ZNF850: variants seen among roughly 807,000 people sequenced by gnomAD.
ZNF850 encodes the protein zinc finger protein 850.
Under a neutral mutation model 11.9 loss-of-function variants are expected in ZNF850, and 2 were observed. The observed-to-expected ratio is 0.17, with a 90% CI of 0.07 to 0.53. The LOEUF (loss-of-function observed/expected upper bound fraction) is 0.53. Ranked by LOEUF, ZNF850 falls within the 20% of genes least tolerant of loss-of-function variation. ZNF850 has a pLI of 0.94. For missense variants in ZNF850, 1,014 were observed against 1,316.4 expected, an observed-to-expected ratio of 0.77 and a Z score of 3.55; for synonymous variants, 381 against 443.0, an observed-to-expected ratio of 0.86 and a Z score of 1.76.
At chr19:36,768,613 T>C (rs2040562308) in intron 1 of ZNF850, among the ~76,000 whole-genome samples, 1 of 152,148 alleles carries the variant, frequency 6.6e-6, no homozygotes, top group Non-Finnish European at 1.5e-5. Flanking sequence ...CTATCTAGGG[T>C]TCTACCTTTT....
rs2145957610 is a variant in ZNF850, at chr19:36,751,757, A to G, written c.236-953T>C. 2.7e-5 allele frequency among the ~76,000 whole-genome samples: 4 copies of G among 149,486 alleles called. No individual in the cohort carries two copies. The Middle Eastern group carries it at 0.015, about 546-fold the overall frequency. On this transcript the variant is annotated intron_variant, in intron 4 of 4. Coordinates refer to ENST00000591344, the MANE Select transcript of ZNF850 (RefSeq NM_001193552.2). ...AAATCTGAGTAAAGTAGGGGTTTCCATTAATAATAATAGATCTCAGCACCA... is the reference window on the plus strand; with the variant it reads ...AAATCTGAGTAAAGTAGGGGTTTCCGTTAATAATAATAGATCTCAGCACCA...
In ZNF850 at chr19:36,765,543, C is replaced by T. The variant is rs111649089; in HGVS notation, c.-69-2868G>A. 3.2e-3 allele frequency among the ~76,000 whole-genome samples: 481 copies of T among 151,304 alleles called. 1 individual carries two copies. Among genetic ancestry groups the T allele is most frequent in the African/African-American group, 0.011 (465 of 41,172 alleles). On this transcript the variant is annotated intron_variant, in intron 1 of 4. Transcript: ENST00000591344. ...TCCATTAATAATATCTAGTGGCTGA[C>T]CTGGAAATTCCATTTCTAAGTACTT... is the stretch of plus-strand genomic sequence containing the variant.
rs1420004949 is a variant in ZNF850, at chr19:36,743,977, T to C, written c.*3790A>G. Reference sequence around the variant, plus strand: ...AGTCAGATCACCTGAGGTCTGGAGTTCAAGCCCAGCCTCAACATGGAGAAA... The same window carrying C: ...AGTCAGATCACCTGAGGTCTGGAGTCCAAGCCCAGCCTCAACATGGAGAAA... On this transcript the variant is annotated 3_prime_UTR_variant, in exon 5 of 5. Coordinates refer to ENST00000591344, the MANE Select transcript of ZNF850 (RefSeq NM_001193552.2). 6.6e-6 allele frequency: 1 copy of C among 152,084 alleles called. No individual in the cohort carries two copies. The highest frequency in any genetic ancestry group is 2.4e-5 in the African/African-American group (1 of 41,372). 9.4% of individuals were successfully genotyped at this position (152,084 alleles called of 1,614,324 possible).
Position 36,750,272 on chromosome 19 carries a change from C to G in ZNF850, c.768G>C (p.Gln256His), listed in dbSNP as rs1487812493. ...ACGGTCTAAAGGCCTTCACGGATTC[C>G]TGACACTCATGAGGTCTCTCATCTG... Reference protein sequence around the residue: ...MYTDERPHECQESVKAFRPSA... With the variant: ...MYTDERPHECHESVKAFRPSA... Residue 256 changes from glutamine (Q) to histidine (H), a missense_variant, in exon 5 of 5, where the codon CAG becomes CAC. Gln to His is a conservative substitution (Grantham distance 24). Around this residue, in one of 2 missense-constraint regions of ZNF850, gnomAD observed 835 missense variants for 1,022.0 expected, o/e 0.82. Coordinates refer to ENST00000591344, the MANE Select transcript of ZNF850 (RefSeq NM_001193552.2). 9 of 1,536,966 alleles carry G rather than the reference C, an allele frequency of 5.9e-6. No homozygotes were observed. In the Admixed American group the frequency reaches 1.2e-4, roughly 20 times the overall value.
At chr19:36,763,044 C>T (rs2040528802) in intron 1 of ZNF850, among the ~76,000 whole-genome samples, 1 of 151,966 alleles carries the variant, frequency 6.6e-6, no homozygotes, top group Non-Finnish European at 1.5e-5. Flanking sequence ...GCGTGCACCA[C>T]CATGTCCAGC....
intron 4 of ZNF850, among the ~76,000 whole-genome samples, chr19:36,757,106 G>A (rs916085904): frequency 6.6e-6 from 1 of 152,140 alleles, no homozygotes; most frequent in African/African-American, 2.4e-5. Flanking sequence ...GTCAGAGATG[G>A]TCTGTTCCTA....
At chr19:36,756,604 C>T (rs183480371) in intron 4 of ZNF850, among the ~76,000 whole-genome samples, 24 of 152,092 alleles carry the variant, frequency 1.6e-4, no homozygotes, top group Admixed American at 1.6e-3. Flanking sequence ...TGTGGATATA[C>T]CATAATGTCA....
intron 1 of ZNF850, among the ~76,000 whole-genome samples, chr19:36,766,206 G>A (rs1017328791): frequency 4.6e-5 from 7 of 150,632 alleles, no homozygotes; most frequent in Non-Finnish European, 1.0e-4. Flanking sequence ...AATTTTAAAA[G>A]TATGAAGTTG....
chr19:36,747,676 A>AG lies in ZNF850; in HGVS notation c.*90_*91insC. 1 of 1,241,540 alleles carries AG rather than the reference A, an allele frequency of 8.1e-7. No homozygotes were observed. The highest frequency in any genetic ancestry group is 1.9e-5 in the South Asian group (1 of 51,794). 76.9% of individuals were successfully genotyped at this position (1,241,540 alleles called of 1,614,324 possible). On this transcript the variant is annotated 3_prime_UTR_variant, in exon 5 of 5. Coordinates refer to ENST00000591344, the MANE Select transcript of ZNF850 (RefSeq NM_001193552.2). Reference sequence around the variant, plus strand: ...AGTCGTAATTCTGGAAAAAGTGAATATGAAGTAATACACATCCATTGTATT... The same window carrying AG: ...AGTCGTAATTCTGGAAAAAGTGAATAGTGAAGTAATACACATCCATTGTATT...
chr19:36,753,450 G>A (rs1228989612), intron 4 of ZNF850, among the ~76,000 whole-genome samples: 3 of 35,036 alleles, frequency 8.6e-5, no homozygotes, highest in Non-Finnish European at 2.1e-4. Context: ...AAAAAAAGCC[G>A]GGTGTGGTGG....
In ZNF850 at chr19:36,755,631, C is replaced by A. The variant is rs1373968965; in HGVS notation, c.236-4827G>T. ...ACAAAACCTCTGTGGACGAAATCAA[C>A]CTCAACTCAACGCTCAAAATATTCT... On this transcript the variant is annotated intron_variant, in intron 4 of 4. Transcript: ENST00000591344. Among the ~76,000 whole-genome samples the A allele has an allele frequency of 4.0e-5, 6 of 151,618 alleles. No individual in the cohort carries two copies. In the East Asian group the frequency reaches 1.2e-3, roughly 29 times the overall value.
At position 36,749,178 on chromosome 19, in the gene ZNF850, T is replaced by A. The variant is rs563104349; in HGVS notation, c.1862A>T (p.Glu621Val). The A allele has an allele frequency of 6.2e-7, 1 of 1,605,834 alleles. No homozygotes were observed. Among genetic ancestry groups the A allele is most frequent in the Admixed American group, 1.7e-5 (1 of 58,910 alleles). ...HTGEKPYDCK[E>V]CGKAFRLRLR... ...ACGAAGTCTAAAGGCCTTCCCACAT[T>A]CCTTACAATCATAAGGTTTCTCACC... The change falls in exon 5 of 5, where the codon GAA becomes GTA. Residue 621 changes from glutamate (E) to valine (V), a missense_variant. Physicochemically the swap from Glu to Val is moderately radical, Grantham distance 121. Around this residue, in one of 2 missense-constraint regions of ZNF850, gnomAD observed 835 missense variants for 1,022.0 expected, o/e 0.82. Coordinates refer to ENST00000591344, the MANE Select transcript of ZNF850 (RefSeq NM_001193552.2).
intron 1 of ZNF850, among the ~76,000 whole-genome samples, chr19:36,768,913 G>T (rs921925560): frequency 8.2e-5 from 12 of 146,512 alleles, no homozygotes; most frequent in African/African-American, 3.0e-4. Flanking sequence ...AGTATGCCAT[G>T]ATCCTGCCAC....
At position 36,748,085 on chromosome 19, in the gene ZNF850, T is replaced by C. The variant is rs2040424187; in HGVS notation, c.2955A>G (p.Glu985=). ...HTGDRPYECK[E]CGKSFTCGSE... ...AGCCGCAAGTAAAAGATTTCCCACA[T>C]TCTTTACATTCATAAGGTCTGTCAC... Residue 985 remains glutamate, a synonymous_variant, in exon 5 of 5, where the codon GAA becomes GAG. Coordinates refer to ENST00000591344, the MANE Select transcript of ZNF850 (RefSeq NM_001193552.2). 6.4e-7 allele frequency: 1 copy of C among 1,555,550 alleles called. No homozygotes were observed. Among genetic ancestry groups the C allele is most frequent in the South Asian group, 1.2e-5 (1 of 85,102 alleles).
chr19:36,745,789 G>A lies in ZNF850; in HGVS notation c.*1978C>T, dbSNP rs1166007478. 3 of 152,144 alleles carry A rather than the reference G, an allele frequency of 2.0e-5. No individual in the cohort carries two copies. Among genetic ancestry groups the A allele is most frequent in the Admixed American group, 6.5e-5 (1 of 15,274 alleles). 9.4% of individuals were successfully genotyped at this position (152,144 alleles called of 1,614,324 possible). ...GGGCCATTCTTTATATTCATAAGGTGGGAAGATTGCTTGAAGACAGGAATT... is the reference window on the plus strand; with the variant it reads ...GGGCCATTCTTTATATTCATAAGGTAGGAAGATTGCTTGAAGACAGGAATT... On this transcript the variant is annotated 3_prime_UTR_variant, in exon 5 of 5. Transcript: ENST00000591344.
At chr19:36,772,424 C>A (rs1337100646) in intron 1 of ZNF850, among the ~76,000 whole-genome samples, 2 of 152,162 alleles carry the variant, frequency 1.3e-5, no homozygotes, top group Non-Finnish European at 2.9e-5. Flanking sequence ...CAGCCACAGA[C>A]CTGCAACTCA....
intron 1 of ZNF850, among the ~76,000 whole-genome samples, chr19:36,763,814 T>C (rs2040533421): frequency 6.6e-6 from 1 of 152,070 alleles, no homozygotes; most frequent in Non-Finnish European, 1.5e-5. Flanking sequence ...GGGACATGCC[T>C]GTAGTCCCAG....
rs1010889263 is a variant in ZNF850 at position 36,745,425 on chromosome 19, G to A, written c.*2342C>T. On this transcript the variant is annotated 3_prime_UTR_variant, in exon 5 of 5. Transcript: ENST00000591344. ...CATTCATGCAAATACCACCTTGTAA[G>A]AAATGCCTTTCCTGACTACCTTATC... 2.0e-5 allele frequency: 3 copies of A among 152,046 alleles called. No homozygotes were observed. The highest frequency in any genetic ancestry group is 4.4e-5 in the Non-Finnish European group (3 of 68,014). The allele number at this position is 152,046 out of a possible 1,614,324, so 9.4% of individuals were successfully genotyped here.
chr19:36,746,565 G>C lies in ZNF850; in HGVS notation c.*1202C>G, dbSNP rs1470050452. On this transcript the variant is annotated 3_prime_UTR_variant, in exon 5 of 5. Transcript: ENST00000591344. The stretch of plus-strand genomic sequence containing the variant: ...GGGTTTCAACATGTTGGCCAGGCTG[G>C]TCTTGAACTCTTAACCTCAGGTGAT... The C allele has an allele frequency of 6.6e-6, 1 of 152,006 alleles. No homozygotes were observed. The highest frequency in any genetic ancestry group is 1.5e-5 in the Non-Finnish European group (1 of 68,038). 9.4% of individuals were successfully genotyped at this position (152,006 alleles called of 1,614,324 possible).
Sources: gnomAD v4.1 joint callset for allele counts (sites outside exome capture counted in the v4.1 genomes callset) on GRCh38, gnomAD v4.1.1 for gene constraint, gnomAD v4.1.1 regional missense constraint, MANE v1.5 for transcripts, NCBI Gene and HGNC (gene_info 2026-07-23, HGNC 2026-07-21) for gene names.